The following SIPA1 variants were observed in gnomAD, a reference collection of about 807,000 sequenced individuals.
SIPA1 encodes signal-induced proliferation-associated protein 1.
In SIPA1, 51 loss-of-function variants were observed where a neutral mutation model predicts 88.1. The observed-to-expected ratio is 0.58, with a 90% CI of 0.46 to 0.73. The LOEUF is 0.73. Ranked by LOEUF, SIPA1 falls within the 30% of genes least tolerant of loss-of-function variation. SIPA1 has a pLI of 0.00. For synonymous variants in SIPA1, 681 were observed against 664.8 expected (o/e 1.02, Z -0.37); for missense variants, 1,348 against 1,467.6 (o/e 0.92, Z 1.33).
rs775557443 is a variant in SIPA1, at chr11:65,650,532, G to A, written c.2983-37G>A. The A allele has an allele frequency of 5.0e-6, 8 of 1,612,120 alleles. No homozygotes were observed. In the South Asian group the frequency reaches 6.6e-5, roughly 13 times the overall value. On this transcript the variant is annotated intron_variant, in intron 15 of 15. Coordinates refer to ENST00000534313, the MANE Select transcript of SIPA1 (RefSeq NM_006747.4). ...GTCACAGGGCTGCCCCAGGAAAGGGGCTGGCGGCTCTGACTCCTGTCTCCC... is the reference window on the plus strand; with the variant it reads ...GTCACAGGGCTGCCCCAGGAAAGGGACTGGCGGCTCTGACTCCTGTCTCCC...
In SIPA1 at chr11:65,641,259, C is replaced by T; in HGVS notation, c.338C>T (p.Pro113Leu). The T allele has an allele frequency of 6.2e-7, 1 of 1,613,558 alleles. No homozygotes were observed. The highest frequency in any genetic ancestry group is 8.5e-7 in the Non-Finnish European group (1 of 1,180,024). Residue 113 changes from proline to leucine, a missense_variant, in exon 2 of 16, where the codon CCT becomes CTT. By Grantham distance (98) the Pro-to-Leu change is moderately conservative. Coordinates refer to ENST00000534313, the MANE Select transcript of SIPA1 (RefSeq NM_006747.4). ...CCTGCCTTCCCACCAGTGCTTGAGC[C>T]TCGATGGTTTGCCCACTATGACGTG... ...PEPAFPPVLE[P>L]RWFAHYDVQS...
chr11:65,643,901 C>T (rs1026697900), intron 4 of SIPA1, among the ~76,000 whole-genome samples: 2 of 152,050 alleles, frequency 1.3e-5, no homozygotes, highest in African/African-American at 2.4e-5. Flanking sequence ...AGAGGGGCAG[C>T]TCTCTGGCTG....
In SIPA1 at chr11:65,646,806, C is replaced by A; in HGVS notation, c.1772C>A (p.Ala591Glu). Residue 591 changes from alanine (A) to glutamate (E), a missense_variant, in exon 8 of 16, where the codon GCG (alanine) becomes GAG (glutamate). Physicochemically the swap from Ala to Glu is moderately radical, Grantham distance 107. Coordinates refer to ENST00000534313, the MANE Select transcript of SIPA1 (RefSeq NM_006747.4). This position sits in a 1 kb window ranked among gnomAD's most constrained non-coding sequence, Gnocchi z 7.5. ...TGGGGAGTGCGCGCGGCGCCCGGGG[C>A]GCGGGTCGCCGCCGGGGCTCAGGCG... ...LVWGVRAAPG[A>E]RVAAGAQASG... 7.8e-7 allele frequency: 1 copy of A among 1,283,480 alleles called. No individual in the cohort carries two copies. The highest frequency in any genetic ancestry group is 9.8e-7 in the Non-Finnish European group (1 of 1,017,200). 79.5% of individuals were successfully genotyped at this position (1,283,480 alleles called of 1,614,324 possible).
chr11:65,649,627 C>G lies in SIPA1; in HGVS notation c.2592C>G (p.Ala864=), dbSNP rs773460628. The part of the protein sequence containing the change: ...TTPDLLLATT[A]KPSVPSADSE... Reference sequence around the variant, plus strand: ...CGGACCTCCTCCTGGCCACCACAGCCAAGCCATCAGTACCCAGTGCTGACA... The same window carrying G: ...CGGACCTCCTCCTGGCCACCACAGCGAAGCCATCAGTACCCAGTGCTGACA... The change falls in exon 11 of 16, where the codon GCC becomes GCG. Residue 864 remains alanine, a synonymous_variant. Transcript: ENST00000534313. The G allele has an allele frequency of 2.5e-6, 4 of 1,614,140 alleles. No individual in the cohort carries two copies. The Admixed American group carries it at 6.7e-5, about 27-fold the overall frequency.
chr11:65,644,457 T>C (rs757923690), intron 4 of SIPA1, among the ~76,000 whole-genome samples: 2 of 151,506 alleles, frequency 1.3e-5, no homozygotes, highest in Non-Finnish European at 2.9e-5. Context: ...ACAAGTTTAG[T>C]TGTAGAAAAG....
chr11:65,649,592 A>C lies in SIPA1; in HGVS notation c.2557A>C (p.Asn853His). 6.2e-7 allele frequency: 1 copy of C among 1,613,974 alleles called. No individual in the cohort carries two copies. The stretch of plus-strand genomic sequence containing the variant: ...GTCGGATGAGGCCCCAGTCCTGCCC[A>C]ACACCACCCCGGACCTCCTCCTGGC... The part of the protein sequence containing the change: ...SLSDEAPVLP[N>H]TTPDLLLATT... The change falls in exon 11 of 16, where the codon AAC becomes CAC. Residue 853 changes from asparagine to histidine, a missense_variant. Physicochemically the swap from Asn to His is moderately conservative, Grantham distance 68. Transcript: ENST00000534313.
intron 9 of SIPA1, among the ~76,000 whole-genome samples, chr11:65,648,047 A>G (rs1462602153): frequency 1.3e-5 from 2 of 151,480 alleles, no homozygotes; most frequent in African/African-American, 4.9e-5. Flanking sequence ...AATTTTTTCT[A>G]TTTTTAGTAG....
At position 65,642,562 on chromosome 11, in the gene SIPA1, C is replaced by T. The variant is rs754478093; in HGVS notation, c.907C>T (p.Leu303=). ...ACTTCTGGAGCACGTGGCGCCGCAG[C>T]TGAGCCCCAGCTGCCTGCGCCTGGG... ...RKLLEHVAPQ[L]SPSCLRLGSA... is the part of the protein sequence containing the mutation. The change falls in exon 4 of 16, where the codon CTG becomes TTG. Residue 303 remains leucine, a synonymous_variant. Transcript: ENST00000534313. This position sits in a 1 kb window ranked among gnomAD's most constrained non-coding sequence, Gnocchi z 6.5. 2 of 1,601,824 alleles carry T rather than the reference C, an allele frequency of 1.2e-6. No individual in the cohort carries two copies. Among genetic ancestry groups the T allele is most frequent in the East Asian group, 4.5e-5 (2 of 44,716 alleles).
chr11:65,646,952 T>C lies in SIPA1; in HGVS notation c.1918T>C (p.Trp640Arg). The C allele has an allele frequency of 6.5e-7, 1 of 1,538,650 alleles. No homozygotes were observed. The highest frequency in any genetic ancestry group is 8.7e-7 in the Non-Finnish European group (1 of 1,147,880). ...FNCACRDVLA[W>R]TFSEQQLDLY... Reference sequence around the variant, plus strand: ...TTGCGCCTGTCGCGACGTGCTGGCCTGGACCTTCTCCGAGCAGCAGCTGGA... The same window carrying C: ...TTGCGCCTGTCGCGACGTGCTGGCCCGGACCTTCTCCGAGCAGCAGCTGGA... Residue 640 changes from tryptophan (W) to arginine (R), a missense_variant, in exon 8 of 16, where the codon TGG becomes CGG. Physicochemically the swap from Trp to Arg is moderately radical, Grantham distance 101. This residue lies in a region of SIPA1 where 615 missense variants were observed against 559.8 expected (regional missense o/e 1.10). Coordinates refer to ENST00000534313, the MANE Select transcript of SIPA1 (RefSeq NM_006747.4). This position sits in a 1 kb window ranked among gnomAD's most constrained non-coding sequence, Gnocchi z 7.5.
Position 65,646,041 on chromosome 11 carries a change from G to A in SIPA1, c.1263+84G>A. 3 of 1,293,196 alleles carry A rather than the reference G, an allele frequency of 2.3e-6. No homozygotes were observed. The highest frequency in any genetic ancestry group is 3.3e-6 in the Non-Finnish European group (3 of 917,522). 80.1% of individuals were successfully genotyped at this position (1,293,196 alleles called of 1,614,324 possible). On this transcript the variant is annotated intron_variant, in intron 6 of 15. Coordinates refer to ENST00000534313, the MANE Select transcript of SIPA1 (RefSeq NM_006747.4). This position sits in a 1 kb window ranked among gnomAD's most constrained non-coding sequence, Gnocchi z 7.5. ...GCCCATGACGTTTGAGCTTTGGCCG[G>A]AGCTCTGTTGGCCCCAACAGCCCGC...
chr11:65,647,394 G>T lies in SIPA1; in HGVS notation c.2042G>T (p.Arg681Leu). Residue 681 changes from arginine (R) to leucine (L), a missense_variant, in exon 9 of 16, where the codon CGT becomes CTT. By Grantham distance (102) the Arg-to-Leu change is moderately radical. Transcript: ENST00000534313. ...CCGCCCCGTCCGCAGCTGGTGAGCC[G>T]TGGCTGCGAGACCCGCGAGCTGGCG... ...EVVARLQLVS[R>L]GCETRELALP... is the part of the protein sequence containing the mutation. 5 of 1,453,118 alleles carry T rather than the reference G, an allele frequency of 3.4e-6. No individual in the cohort carries two copies. The highest frequency in any genetic ancestry group is 4.5e-6 in the Non-Finnish European group (5 of 1,110,768). 90.0% of individuals were successfully genotyped at this position (1,453,118 alleles called of 1,614,324 possible).
At position 65,642,100 on chromosome 11, in the gene SIPA1, C is replaced by T; in HGVS notation, c.680-150C>T. ...TCAGGGTTGAGATCAAGATATTGAG[C>T]TCGGGGCTACAGAGGGGCGGGACTT... On this transcript the variant is annotated intron_variant, in intron 2 of 15. Coordinates refer to ENST00000534313, the MANE Select transcript of SIPA1 (RefSeq NM_006747.4). This position sits in a 1 kb window ranked among gnomAD's most constrained non-coding sequence, Gnocchi z 6.5. The T allele has an allele frequency of 3.5e-6, 4 of 1,139,660 alleles. No individual in the cohort carries two copies. The highest frequency in any genetic ancestry group is 2.7e-5 in the East Asian group (1 of 36,722). 70.6% of individuals were successfully genotyped at this position (1,139,660 alleles called of 1,614,324 possible).
At position 65,649,713 on chromosome 11, in the gene SIPA1, T is replaced by C. The variant is rs1238262951; in HGVS notation, c.2637+41T>C. The C allele has an allele frequency of 2.5e-6, 4 of 1,614,018 alleles. No individual in the cohort carries two copies. The East Asian group carries it at 8.9e-5, about 36-fold the overall frequency. Reference sequence around the variant, plus strand: ...GCTCTGGAGCCCAACAGCACAGTGGTGACAGTGGGCATCACTGAATCTGTA... The same window carrying C: ...GCTCTGGAGCCCAACAGCACAGTGGCGACAGTGGGCATCACTGAATCTGTA... On this transcript the variant is annotated intron_variant, in intron 11 of 15. Coordinates refer to ENST00000534313, the MANE Select transcript of SIPA1 (RefSeq NM_006747.4).
intron 14 of SIPA1, 49 bp downstream of exon 14, chr11:65,650,241 C>T (rs1420573138): frequency 3.8e-6 from 6 of 1,592,696 alleles, no homozygotes; most frequent in Admixed American, 1.7e-5. Flanking sequence ...ACATGACCCC[C>T]CCTTCGTGCC....
In SIPA1 at chr11:65,641,440, T is replaced by A; in HGVS notation, c.519T>A (p.Gly173=). The change falls in exon 2 of 16, where the codon GGT becomes GGA. Residue 173 remains glycine, a synonymous_variant. Coordinates refer to ENST00000534313, the MANE Select transcript of SIPA1 (RefSeq NM_006747.4). ...PGFVCELGGE[G]ELGLGGPASP... is the part of the protein sequence containing the mutation. ...TTGTGTGTGAGCTCGGGGGTGAGGG[T>A]GAGCTAGGCCTGGGTGGACCAGCAT... 1 of 1,612,308 alleles carries A rather than the reference T, an allele frequency of 6.2e-7. No homozygotes were observed.
chr11:65,650,100 C>G (rs756122810), intron 13 of SIPA1, 38 bp from the exon 14 acceptor site: 1 of 1,613,578 alleles, frequency 6.2e-7, no homozygotes, highest in Admixed American at 1.7e-5. Flanking sequence ...CTCTTGCCCC[C>G]TTTCTGACCT....
At position 65,645,932 on chromosome 11, in the gene SIPA1, C is replaced by T. The variant is rs1856102754; in HGVS notation, c.1238C>T (p.Pro413Leu). 1 of 1,613,022 alleles carries T rather than the reference C, an allele frequency of 6.2e-7. No homozygotes were observed. ...EIMFHVSTML[P>L]YTPNNQQQLL... ...ATGTTCCACGTGTCCACGATGCTGC[C>T]TTACACCCCTAATAACCAGCAGCAG... Residue 413 changes from proline to leucine, a missense_variant, in exon 6 of 16, where the codon CCT (proline) becomes CTT (leucine). By Grantham distance (98) the Pro-to-Leu change is moderately conservative (BLOSUM62 -3). Around this residue, in one of 4 missense-constraint regions of SIPA1, gnomAD observed 641 missense variants for 797.7 expected, o/e 0.80. Coordinates refer to ENST00000534313, the MANE Select transcript of SIPA1 (RefSeq NM_006747.4).
Position 65,646,056 on chromosome 11 carries a change from C to A in SIPA1, c.1263+99C>A. 1.6e-6 allele frequency: 2 copies of A among 1,250,976 alleles called. No individual in the cohort carries two copies. Among genetic ancestry groups the A allele is most frequent in the Non-Finnish European group, 2.3e-6 (2 of 881,842 alleles). 77.5% of individuals were successfully genotyped at this position (1,250,976 alleles called of 1,614,324 possible). On this transcript the variant is annotated intron_variant, in intron 6 of 15. Transcript: ENST00000534313. This position sits in a 1 kb window ranked among gnomAD's most constrained non-coding sequence, Gnocchi z 7.5. ...GCTTTGGCCGGAGCTCTGTTGGCCC[C>A]AACAGCCCGCCCCTCTGGTGGCCCC...
chr11:65,650,323 C>G, intron 14 of SIPA1, 78 bp from the exon 15 acceptor site: 1 of 1,555,842 alleles, frequency 6.4e-7, no homozygotes, highest in Non-Finnish European at 8.9e-7. Context: ...GGGCCCCTCT[C>G]ATTAGCTGGG....
Sources: allele counts gnomAD v4.1 joint callset (sites outside exome capture counted in the v4.1 genomes callset), GRCh38; gene constraint gnomAD v4.1.1; regional missense constraint gnomAD v4.1.1; non-coding constraint Gnocchi (gnomAD v3.1); transcripts MANE v1.5; gene names NCBI Gene and HGNC (gene_info 2026-07-23, HGNC 2026-07-21).